The following MIER1 variants were observed in gnomAD, a reference collection of about 807,000 sequenced individuals.
MIER1 encodes mesoderm induction early response protein 1.
Under a neutral mutation model 75.7 loss-of-function variants are expected in MIER1, and 40 were observed. That is an observed-to-expected ratio of 0.53 (90% confidence interval 0.41 to 0.69). The LOEUF (loss-of-function observed/expected upper bound fraction) is 0.69. Ranked by LOEUF, MIER1 falls within the 30% of genes least tolerant of loss-of-function variation. The pLI is 0.00. For synonymous variants in MIER1, 213 were observed against 223.4 expected (o/e 0.95, Z 0.42); for missense variants, 574 against 680.2 (o/e 0.84, Z 1.74).
intron 12 of MIER1, among the ~76,000 whole-genome samples, chr1:66,978,068 C>A (rs58680688): frequency 6.6e-6 from 1 of 151,572 alleles, no homozygotes; most frequent in African/African-American, 2.4e-5. Context: ...TGGTGGTGCA[C>A]GCCTATAGTC....
At chr1:66,948,166 G>C in intron 4 of MIER1, 1 of 892,966 alleles carries the variant, frequency 1.1e-6, no homozygotes, top group African/African-American at 1.8e-5. Flanking sequence ...TACCTTGCAA[G>C]AGTGCTCACT....
chr1:66,933,614 C>G (rs1039212968), intron 2 of MIER1, among the ~76,000 whole-genome samples: 3 of 152,142 alleles, frequency 2.0e-5, no homozygotes, highest in Non-Finnish European at 2.9e-5. Context: ...AATTTCTACT[C>G]TAAGCAAAAT....
At chr1:66,941,247 A>G (rs937940702) in intron 3 of MIER1, among the ~76,000 whole-genome samples, 1 of 152,224 alleles carries the variant, frequency 6.6e-6, no homozygotes, top group Non-Finnish European at 1.5e-5. Context: ...AGCTGAAAGC[A>G]TCTTACTCTT....
intron 1 of MIER1, chr1:66,925,510 T>C (rs971491235): frequency 2.0e-6 from 2 of 985,320 alleles, no homozygotes; most frequent in Non-Finnish European, 2.4e-6. Context: ...CCCGGGAGGC[T>C]CTCGCTTGCA....
intron 2 of MIER1, chr1:66,930,414 C>T (rs201676377): frequency 1.2e-5 from 19 of 1,605,906 alleles, no homozygotes; most frequent in African/African-American, 6.8e-5. Context: ...AGGGAGCGAG[C>T]TCCCCCTCCC....
chr1:66,930,883 A>G (rs996406988), intron 2 of MIER1, among the ~76,000 whole-genome samples: 34 of 151,924 alleles, frequency 2.2e-4, no homozygotes, highest in African/African-American at 8.0e-4. Flanking sequence ...TAACTCTGTA[A>G]TTTTCATGAT....
At chr1:66,932,150 G>T (rs188590452) in intron 2 of MIER1, among the ~76,000 whole-genome samples, 4 of 152,178 alleles carry the variant, frequency 2.6e-5, no homozygotes, top group Admixed American at 2.6e-4. Context: ...ATTAAAGATG[G>T]TTGCGTTATT....
chr1:66,932,062 A>T (rs1260893898), intron 2 of MIER1, among the ~76,000 whole-genome samples: 2 of 152,196 alleles, frequency 1.3e-5, no homozygotes. Flanking sequence ...CTGTGTTTTT[A>T]AAAAATAAAT....
At chr1:66,962,499 G>A (rs1661451809) in intron 7 of MIER1, among the ~76,000 whole-genome samples, 1 of 152,066 alleles carries the variant, frequency 6.6e-6, no homozygotes, top group African/African-American at 2.4e-5. Flanking sequence ...GGTTTGGGGT[G>A]GGACCTGAGC....
At chr1:66,977,833 TAAAA>T (rs200736001) in intron 12 of MIER1, among the ~76,000 whole-genome samples, 8 of 151,388 alleles carry the variant, frequency 5.3e-5, no homozygotes, top group African/African-American at 1.5e-4. Context: ...AAAATAAAAA[TAAAA>T]AAAAATTGAC....
intron 2 of MIER1, among the ~76,000 whole-genome samples, chr1:66,930,022 G>A (rs1034409921): frequency 6.6e-6 from 1 of 152,162 alleles, no homozygotes; most frequent in Non-Finnish European, 1.5e-5. Flanking sequence ...CCCTCCGCCT[G>A]GAGTGGCGGA....
At position 66,985,304 on chromosome 1, in the gene MIER1, G is replaced by A. The variant is rs567039449; in HGVS notation, c.*404G>A. 2.9e-5 allele frequency: 29 copies of A among 985,382 alleles called. No homozygotes were observed. In the African/African-American group the frequency reaches 4.5e-4, roughly 15 times the overall value. 61.0% of individuals were successfully genotyped at this position (985,382 alleles called of 1,614,324 possible). On this transcript the variant is annotated 3_prime_UTR_variant, in exon 14 of 14. Coordinates refer to ENST00000401041, the MANE Select transcript of MIER1 (RefSeq NM_001077700.3). ...TTTGATGGATGAATGGGAAACTCAAGTCCAAATTTCTGCTTAATACCAATT... is the reference window on the plus strand; with the variant it reads ...TTTGATGGATGAATGGGAAACTCAAATCCAAATTTCTGCTTAATACCAATT...
chr1:66,954,642 C>T (rs1264046442), intron 4 of MIER1, among the ~76,000 whole-genome samples: 1 of 151,980 alleles, frequency 6.6e-6, no homozygotes, highest in Non-Finnish European at 1.5e-5. Context: ...TCTCTCTGTT[C>T]TCTGCTTAGT....
At chr1:66,973,736 C>G (rs996386836) in intron 11 of MIER1, among the ~76,000 whole-genome samples, 17 of 151,972 alleles carry the variant, frequency 1.1e-4, no homozygotes, top group African/African-American at 4.1e-4. Context: ...TTAGGACAGG[C>G]AGAATTAAAG....
intron 4 of MIER1, chr1:66,946,528 C>T (rs942019358): frequency 2.5e-6 from 3 of 1,190,484 alleles, no homozygotes; most frequent in Non-Finnish European, 3.1e-6. Flanking sequence ...AAAACATAGA[C>T]TGTTAAATGA....
intron 7 of MIER1, among the ~76,000 whole-genome samples, 167 bp from the exon 8 acceptor site, chr1:66,962,921 T>C (rs1268161658): frequency 6.6e-6 from 1 of 152,182 alleles, no homozygotes; most frequent in Non-Finnish European, 1.5e-5. Context: ...CATCCAGTCA[T>C]TATTTGTCAT....
chr1:66,979,854 G>A (rs539713266), intron 12 of MIER1, among the ~76,000 whole-genome samples: 67 of 149,608 alleles, frequency 4.5e-4, no homozygotes, highest in Admixed American at 2.4e-3. Flanking sequence ...AACCTCCACC[G>A]CCCGGGTTGA....
chr1:66,958,780 T>C, intron 5 of MIER1, 71 bp from the exon 6 acceptor site: 2 of 1,307,952 alleles, frequency 1.5e-6, no homozygotes, highest in Non-Finnish European at 2.1e-6. Flanking sequence ...GAACAAAATT[T>C]ATATGCTATG....
intron 12 of MIER1, among the ~76,000 whole-genome samples, chr1:66,978,602 G>C (rs1382829833): frequency 2.0e-5 from 3 of 152,128 alleles, no homozygotes; most frequent in Non-Finnish European, 4.4e-5. Context: ...AAATAGTCAT[G>C]ATTTTCAAGG....
Sources: gnomAD v4.1 joint callset for allele counts (sites outside exome capture counted in the v4.1 genomes callset) on GRCh38, gnomAD v4.1.1 for gene constraint, MANE v1.5 for transcripts, NCBI Gene and HGNC (gene_info 2026-07-23, HGNC 2026-07-21) for gene names.